The following SGCZ variants were observed in gnomAD, a reference collection of about 807,000 sequenced individuals.
SGCZ encodes sarcoglycan zeta.
In SGCZ, 40 loss-of-function variants were observed where a neutral mutation model predicts 41.3. The observed-to-expected ratio is 0.97, with a 90% CI of 0.75 to 1.26. SGCZ has a LOEUF of 1.26. Ranked by LOEUF, SGCZ falls within the 50% of genes most tolerant of loss-of-function variation. The pLI, the probability that SGCZ is intolerant of heterozygous loss-of-function variation, is 0.00. For missense variants in SGCZ, 552 were observed against 369.8 expected, an observed-to-expected ratio of 1.49 and a Z score of -4.04; for synonymous variants, 206 against 137.5, an observed-to-expected ratio of 1.50 and a Z score of -3.49.
intron 1 of SGCZ, among the ~76,000 whole-genome samples, chr8:14,767,807 T>G (rs1800090671): frequency 6.6e-6 from 1 of 152,180 alleles, no homozygotes; most frequent in Non-Finnish European, 1.5e-5. Context: ...TGAAAACCAC[T>G]AAAGACTTCT....
At chr8:14,763,905 G>C (rs1271410172) in intron 1 of SGCZ, among the ~76,000 whole-genome samples, 1 of 152,186 alleles carries the variant, frequency 6.6e-6, no homozygotes, top group Non-Finnish European at 1.5e-5. Flanking sequence ...CTACTGGATG[G>C]AGGAAACGAG....
At chr8:14,806,696 A>G (rs10112421) in intron 1 of SGCZ, among the ~76,000 whole-genome samples, 17,648 of 152,178 alleles carry the variant, frequency 0.12, 1,649 homozygotes, top group African/African-American at 0.26. Flanking sequence ...ATTACAATCA[A>G]GAGAAAAAGA....
At chr8:14,444,758 C>G (rs557919844) in intron 2 of SGCZ, among the ~76,000 whole-genome samples, 1 of 152,014 alleles carries the variant, frequency 6.6e-6, no homozygotes, top group African/African-American at 2.4e-5. Flanking sequence ...CACATGTATA[C>G]ATATGTAACT....
intron 1 of SGCZ, among the ~76,000 whole-genome samples, chr8:14,731,794 T>G (rs1810247705): frequency 6.6e-6 from 1 of 152,184 alleles, no homozygotes; most frequent in Admixed American, 6.5e-5. Flanking sequence ...AGACCATTTC[T>G]TTTTCTAAAA....
intron 4 of SGCZ, among the ~76,000 whole-genome samples, chr8:14,234,206 A>G (rs1007718767): frequency 6.6e-6 from 1 of 152,072 alleles, no homozygotes; most frequent in Non-Finnish European, 1.5e-5. Context: ...AACATATAAA[A>G]TATTTCTCTT....
chr8:14,569,186 T>C (rs1181542572), intron 1 of SGCZ, among the ~76,000 whole-genome samples: 1 of 152,210 alleles, frequency 6.6e-6, no homozygotes, highest in East Asian at 1.9e-4. Context: ...AATTGAGCTA[T>C]TTAGTCATTA....
At chr8:14,674,141 G>T (rs995224517) in intron 1 of SGCZ, among the ~76,000 whole-genome samples, 2 of 133,240 alleles carry the variant, frequency 1.5e-5, no homozygotes, top group African/African-American at 6.1e-5. Flanking sequence ...ACATAAATAG[G>T]TAGTTATCTG....
At chr8:14,564,765 T>G (rs1047997290) in intron 1 of SGCZ, among the ~76,000 whole-genome samples, 4 of 152,206 alleles carry the variant, frequency 2.6e-5, no homozygotes, top group Non-Finnish European at 5.9e-5. Context: ...AAAGGCATTT[T>G]GTTTTCTGCT....
intron 2 of SGCZ, among the ~76,000 whole-genome samples, chr8:14,484,309 G>T (rs1801614599): frequency 6.6e-6 from 1 of 152,120 alleles, no homozygotes; most frequent in African/African-American, 2.4e-5. Context: ...GAGAGAAATG[G>T]TAAGAAGAGA....
chr8:14,274,230 T>C (rs1233049532), intron 3 of SGCZ, among the ~76,000 whole-genome samples: 1 of 152,112 alleles, frequency 6.6e-6, no homozygotes, highest in Non-Finnish European at 1.5e-5. Flanking sequence ...CAGAAGAAAA[T>C]AAAGCATTGA....
At chr8:14,632,987 ATT>A (rs1491063500) in intron 1 of SGCZ, among the ~76,000 whole-genome samples, 2 of 151,846 alleles carry the variant, frequency 1.3e-5, no homozygotes, top group Non-Finnish European at 2.9e-5. Flanking sequence ...ATATATATAT[ATT>A]ATTTTAAAAC....
chr8:15,083,467 A>G (rs946683309), intron 1 of SGCZ, among the ~76,000 whole-genome samples: 1 of 152,158 alleles, frequency 6.6e-6, no homozygotes, highest in Non-Finnish European at 1.5e-5. Context: ...CTCTATAAAC[A>G]TGGGAATCTA....
At chr8:15,056,625 A>C (rs903016270) in intron 1 of SGCZ, among the ~76,000 whole-genome samples, 2 of 151,850 alleles carry the variant, frequency 1.3e-5, no homozygotes, top group East Asian at 1.9e-4. Context: ...ACTGTATTTT[A>C]ATCTAAATGT....
chr8:14,495,858 A>C (rs1444190553), intron 2 of SGCZ, among the ~76,000 whole-genome samples: 2 of 152,122 alleles, frequency 1.3e-5, no homozygotes, highest in Non-Finnish European at 2.9e-5. Context: ...TTCAGAGAAA[A>C]ACAAGCCCTT....
intron 1 of SGCZ, among the ~76,000 whole-genome samples, chr8:15,104,737 G>C (rs770455707): frequency 6.6e-6 from 1 of 152,036 alleles, no homozygotes; most frequent in Non-Finnish European, 1.5e-5. Context: ...ACAACATATA[G>C]AAGTGTACCC....
chr8:14,287,429 G>A (rs778132500), intron 3 of SGCZ, among the ~76,000 whole-genome samples: 13 of 145,838 alleles, frequency 8.9e-5, no homozygotes, highest in Non-Finnish European at 1.5e-4. Context: ...TTATATTACC[G>A]ATTTCTGTCT....
intron 4 of SGCZ, among the ~76,000 whole-genome samples, chr8:14,195,773 CA>C (rs1391431244): frequency 3.9e-5 from 6 of 151,912 alleles, no homozygotes; most frequent in Non-Finnish European, 5.9e-5. Context: ...AAAACAATAA[CA>C]AAAACAATGG....
chr8:15,085,628 T>G (rs900590512), intron 1 of SGCZ, among the ~76,000 whole-genome samples: 4 of 152,172 alleles, frequency 2.6e-5, no homozygotes, highest in Non-Finnish European at 5.9e-5. Context: ...TAATCCCTCC[T>G]TAAAAAATTA....
At chr8:14,843,726 G>A (rs530395638) in intron 1 of SGCZ, among the ~76,000 whole-genome samples, 18 of 152,112 alleles carry the variant, frequency 1.2e-4, no homozygotes, top group Admixed American at 4.6e-4. Context: ...ATGAATAAAC[G>A]TGGTCTTTAT....
Sources: allele counts gnomAD v4.1 joint callset (sites outside exome capture counted in the v4.1 genomes callset), GRCh38; gene constraint gnomAD v4.1.1; transcripts MANE v1.5; gene names NCBI Gene and HGNC (gene_info 2026-07-23, HGNC 2026-07-21).